The following LYG2 variants were observed in gnomAD, a reference collection of about 807,000 sequenced individuals.
LYG2 encodes lysozyme g2, also known as lysozyme g-like protein 2.
A neutral mutation model predicts 22.4 loss-of-function variants in LYG2; 25 were observed. That is an observed-to-expected ratio of 1.12 (90% CI 0.81 to 1.56). The LOEUF is 1.56. Among genes scored for constraint, LYG2 ranks in the 40% most tolerant of loss-of-function variants. The pLI is 0.00. For missense variants in LYG2, 266 were observed against 269.5 expected, an observed-to-expected ratio of 0.99 and a Z score of 0.09; for synonymous variants, 88 against 97.0, an observed-to-expected ratio of 0.91 and a Z score of 0.55.
At chr2:99,246,387 A>T (rs920826103) in intron 4 of LYG2, among the ~76,000 whole-genome samples, 3 of 152,184 alleles carry the variant, frequency 2.0e-5, no homozygotes, top group Non-Finnish European at 4.4e-5. Flanking sequence ...TGTAACATGA[A>T]GCAAACACAG....
upstream of LYG2, among the ~76,000 whole-genome samples, chr2:99,256,780 CA>C (rs2094037181): frequency 6.6e-6 from 1 of 152,210 alleles, no homozygotes; most frequent in Admixed American, 6.5e-5. Context: ...GCAACTCAAC[CA>C]AAATTGTTTT....
chr2:99,250,557 G>A (rs1053705081), intron 3 of LYG2, among the ~76,000 whole-genome samples: 2 of 152,072 alleles, frequency 1.3e-5, no homozygotes, highest in African/African-American at 2.4e-5. Flanking sequence ...TGTATTTTTA[G>A]TAGAGGCGGG....
intron 3 of LYG2, among the ~76,000 whole-genome samples, chr2:99,247,535 C>A (rs1216396089): frequency 6.6e-6 from 1 of 151,862 alleles, no homozygotes; most frequent in Non-Finnish European, 1.5e-5. Flanking sequence ...TGATCCTTCA[C>A]CCAAATAGTG....
chr2:99,254,601 A>G (rs2094032765), intron 2 of LYG2, among the ~76,000 whole-genome samples: 1 of 150,346 alleles, frequency 6.7e-6, no homozygotes. Flanking sequence ...TTTCTTTTTA[A>G]AAAAAAAAAT....
At chr2:99,247,199 C>T (rs1394636119) in intron 3 of LYG2, among the ~76,000 whole-genome samples, 1 of 151,928 alleles carries the variant, frequency 6.6e-6, no homozygotes, top group Non-Finnish European at 1.5e-5. Context: ...CTCAAACTAT[C>T]CTCCCACCCC....
intron 4 of LYG2, among the ~76,000 whole-genome samples, chr2:99,245,691 A>T (rs1291651512): frequency 2.0e-5 from 3 of 152,080 alleles, no homozygotes; most frequent in African/African-American, 7.2e-5. Context: ...AACCATTTTT[A>T]AAAATTTGCT....
intron 6 of LYG2, chr2:99,243,649 G>A: frequency 1.5e-6 from 1 of 688,274 alleles, no homozygotes; most frequent in Non-Finnish European, 2.3e-6. Context: ...AATCCTCCTG[G>A]CTTAGCCTCC....
At chr2:99,253,421 C>T (rs1027782660) in intron 3 of LYG2, among the ~76,000 whole-genome samples, 2 of 152,142 alleles carry the variant, frequency 1.3e-5, no homozygotes, top group African/African-American at 2.4e-5. Context: ...AAATTACTTT[C>T]GGGTAGCCTT....
chr2:99,247,832 T>G (rs1356535349), intron 3 of LYG2, among the ~76,000 whole-genome samples: 1 of 151,744 alleles, frequency 6.6e-6, no homozygotes, highest in Non-Finnish European at 1.5e-5. Context: ...AACCTACTCA[T>G]CTGACAAAGG....
intron 3 of LYG2, among the ~76,000 whole-genome samples, chr2:99,252,434 T>A (rs1232119796): frequency 2.0e-5 from 3 of 152,072 alleles, no homozygotes; most frequent in African/African-American, 7.2e-5. Flanking sequence ...TTCCTCTCAC[T>A]CTCTTACTGT....
At chr2:99,260,124 G>A (rs556904830), upstream of LYG2, among the ~76,000 whole-genome samples, 2 of 152,088 alleles carry the variant, frequency 1.3e-5, no homozygotes, top group Admixed American at 1.3e-4. Context: ...ACCACACCTG[G>A]CTAATTTTTG....
rs374851349 is a variant in LYG2 at position 99,245,257 on chromosome 2, A to G, written c.381+5T>C. 2 of 1,589,538 alleles carry G rather than the reference A, an allele frequency of 1.3e-6. No homozygotes were observed. Among genetic ancestry groups the G allele is most frequent in the Admixed American group, 1.7e-5 (1 of 57,672 alleles). On this transcript the variant is annotated splice_donor_5th_base_variant and intron_variant, in intron 5 of 6. Coordinates refer to ENST00000333017, the MANE Select transcript of LYG2 (RefSeq NM_175735.4). Reference sequence around the variant, plus strand: ...GGGGCTGATAGAAAGTTTCTAGCTAAATACCTGCATCAAGCCAAATTTAAG... The same window carrying G: ...GGGGCTGATAGAAAGTTTCTAGCTAGATACCTGCATCAAGCCAAATTTAAG...
intron 3 of LYG2, among the ~76,000 whole-genome samples, chr2:99,250,374 T>G (rs1471821031): frequency 9.3e-6 from 1 of 107,026 alleles, no homozygotes; most frequent in African/African-American, 3.4e-5. Context: ...TTTCCAACTC[T>G]TTTTTTTTTT....
intron 3 of LYG2, among the ~76,000 whole-genome samples, chr2:99,253,126 G>A (rs2094030263): frequency 6.6e-6 from 1 of 150,454 alleles, no homozygotes; most frequent in Admixed American, 6.6e-5. Flanking sequence ...TGCAGTATAA[G>A]GCGAAAGAAG....
At chr2:99,242,724 C>A (rs143405751) in intron 6 of LYG2, among the ~76,000 whole-genome samples, 395 of 152,240 alleles carry the variant, frequency 2.6e-3, no homozygotes, top group African/African-American at 9.2e-3. Context: ...ATCAGATTTG[C>A]TTTTTTATGT....
At position 99,242,402 on chromosome 2, in the gene LYG2, T is replaced by C. The variant is rs2094008084; in HGVS notation, c.601A>G (p.Ile201Val). 1 of 1,613,702 alleles carries C rather than the reference T, an allele frequency of 6.2e-7. No homozygotes were observed. Among genetic ancestry groups the C allele is most frequent in the Non-Finnish European group, 8.5e-7 (1 of 1,179,792 alleles). ...DIDNDFVNDI[I>V]ARAKFYKRQS... is the part of the protein sequence containing the mutation. ...CTTTTATAGAACTTAGCTCGAGCAA[T>C]GATATCATTGACGAAGTCATTGTCT... The change falls in exon 7 of 7, where the codon ATT becomes GTT. Residue 201 changes from isoleucine to valine, a missense_variant. By Grantham distance (29) the Ile-to-Val change is conservative. Coordinates refer to ENST00000333017, the MANE Select transcript of LYG2 (RefSeq NM_175735.4).
intron 3 of LYG2, among the ~76,000 whole-genome samples, chr2:99,252,476 A>G (rs2094028360): frequency 6.6e-6 from 1 of 152,092 alleles, no homozygotes; most frequent in Non-Finnish European, 1.5e-5. Context: ...AAATTTCATT[A>G]GGTCAGATAC....
chr2:99,255,688 A>G (rs937074029), upstream of LYG2, among the ~76,000 whole-genome samples: 2 of 152,080 alleles, frequency 1.3e-5, no homozygotes, highest in East Asian at 1.9e-4. Flanking sequence ...TCAAACCACT[A>G]TGTCACATGA....
rs764996527 is a variant in LYG2, at chr2:99,245,366, C to T, written c.277G>A (p.Val93Met). ...LIKEVGQRHC[V>M]DPAVIAAIIS... ...ATGGCTGCGATGACAGCAGGGTCCA[C>T]GCAATGTCTCTGCCCGACTTCTTTG... The change falls in exon 5 of 7, where the codon GTG (valine) becomes ATG (methionine). Residue 93 changes from valine (V) to methionine (M), a missense_variant. Physicochemically the swap from Val to Met is conservative, Grantham distance 21. Coordinates refer to ENST00000333017, the MANE Select transcript of LYG2 (RefSeq NM_175735.4). The T allele has an allele frequency of 2.7e-5, 43 of 1,613,276 alleles. No individual in the cohort carries two copies. Among genetic ancestry groups the T allele is most frequent in the South Asian group, 6.6e-5 (6 of 90,914 alleles).
Sources: allele counts gnomAD v4.1 joint callset (sites outside exome capture counted in the v4.1 genomes callset), GRCh38; gene constraint gnomAD v4.1.1; transcripts MANE v1.5; gene names NCBI Gene and HGNC (gene_info 2026-07-23, HGNC 2026-07-21).